RUNX1T1: variants seen among roughly 807,000 people sequenced by gnomAD.
RUNX1T1 encodes protein CBFA2T1.
Under a neutral mutation model 62.8 loss-of-function variants are expected in RUNX1T1, and 4 were observed. That is an observed-to-expected ratio of 0.06 (90% CI 0.03 to 0.15). The LOEUF is 0.15. Ranked by LOEUF, RUNX1T1 falls within the 10% of genes least tolerant of loss-of-function variation. The pLI is 1.00. For missense variants in RUNX1T1, 508 were observed against 754.3 expected (o/e 0.67, Z 3.82); for synonymous variants, 291 against 286.0 (o/e 1.02, Z -0.18).
At chr8:92,073,823 A>G (rs913156306) in intron 2 of RUNX1T1, among the ~76,000 whole-genome samples, 1 of 152,152 alleles carries the variant, frequency 6.6e-6, no homozygotes, top group Non-Finnish European at 1.5e-5. Flanking sequence ...TAGCCTCCCA[A>G]GTAGCTGGGA....
intron 6 of RUNX1T1, among the ~76,000 whole-genome samples, chr8:91,988,372 G>T (rs921151713): frequency 1.3e-5 from 2 of 152,188 alleles, no homozygotes; most frequent in Non-Finnish European, 2.9e-5. Context: ...AAAAGTAAAA[G>T]TGCAAATATG....
Position 92,078,639 on chromosome 8 carries a change from T to C in RUNX1T1, c.-85-2502A>G, listed in dbSNP as rs574315623. ...AACAAATATTACTTTTTCTCAATGG[T>C]ATGAAGTAATGAAAACCACATGTGC... On this transcript the variant is annotated intron_variant, in intron 1 of 11. Transcript: ENST00000265814. Among the ~76,000 whole-genome samples the C allele has an allele frequency of 3.3e-5, 5 of 152,296 alleles. No individual in the cohort carries two copies. The South Asian group carries it at 1.0e-3, about 32-fold the overall frequency.
chr8:91,998,747 G>A (rs936067334), intron 5 of RUNX1T1, among the ~76,000 whole-genome samples: 2 of 152,182 alleles, frequency 1.3e-5, no homozygotes, highest in African/African-American at 4.8e-5. Context: ...CTGCTGTTTG[G>A]AACTCTGCTT....
chr8:92,039,254 G>C lies in RUNX1T1; in HGVS notation c.8-21891C>G, dbSNP rs767017670. 5.3e-5 allele frequency among the ~76,000 whole-genome samples: 8 copies of C among 150,022 alleles called. No homozygotes were observed. The Admixed American group carries it at 5.3e-4, about 10-fold the overall frequency. ...ACTCCTGAGCTCAAGTGATCCAACC[G>C]CCTTGGTCTCCCCAAGTGCTGGGAT... On this transcript the variant is annotated intron_variant, in intron 1 of 10. Transcript: ENST00000396218.
chr8:92,057,516 T>C (rs748708008), intron 1 of RUNX1T1, among the ~76,000 whole-genome samples: 9 of 152,338 alleles, frequency 5.9e-5, no homozygotes, highest in Non-Finnish European at 1.2e-4. Context: ...CTGGCATATA[T>C]AGGCTTTCAA....
upstream of RUNX1T1, among the ~76,000 whole-genome samples, chr8:92,064,902 A>G (rs995079735): frequency 1.3e-5 from 2 of 152,134 alleles, no homozygotes. Context: ...CTGTTATCTG[A>G]CTACAGTAAT....
intron 4 of RUNX1T1, chr8:92,006,488 C>G (rs1041744363): frequency 2.6e-5 from 4 of 152,108 alleles, no homozygotes; most frequent in African/African-American, 9.7e-5. Context: ...TCCCAGCTGC[C>G]TCAATTTTTG....
chr8:91,955,528 G>A (rs1013561470), downstream of RUNX1T1: 1 of 225,534 alleles, frequency 4.4e-6, no homozygotes, highest in African/African-American at 2.2e-5. Flanking sequence ...CAAATTCTTG[G>A]AAAAGCTACA....
intron 3 of RUNX1T1, among the ~76,000 whole-genome samples, chr8:92,012,750 C>T (rs1156436353): frequency 7.2e-6 from 1 of 139,292 alleles, no homozygotes; most frequent in Non-Finnish European, 1.6e-5. Flanking sequence ...AAATCACTCC[C>T]TCAAAAAAAA....
Position 92,002,639 on chromosome 8 carries a change from C to T in RUNX1T1, c.659+2477G>A, listed in dbSNP as rs577118644. On this transcript the variant is annotated intron_variant, in intron 5 of 10. Coordinates refer to ENST00000396218, the Ensembl canonical transcript of RUNX1T1. ...TTTTCTCCTCAGGTGTCAGTTTTTC[C>T]CTCTTTTAGTGACTGATGGCTCCCA... is the stretch of plus-strand genomic sequence containing the variant. Among the ~76,000 whole-genome samples the T allele has an allele frequency of 7.9e-5, 12 of 152,096 alleles. No individual in the cohort carries two copies. In the East Asian group the frequency reaches 2.3e-3, roughly 29 times the overall value.
At chr8:92,062,458 G>A (rs1832200344) in intron 1 of RUNX1T1, 1 of 1,405,856 alleles carries the variant, frequency 7.1e-7, no homozygotes, top group Non-Finnish European at 1.0e-6. Context: ...ACAACACGCT[G>A]TGGGGCAGAA....
chr8:92,037,702 A>G (rs1827681746), intron 1 of RUNX1T1, among the ~76,000 whole-genome samples: 1 of 152,086 alleles, frequency 6.6e-6, no homozygotes, highest in Admixed American at 6.5e-5. Flanking sequence ...AAAAAGTAAA[A>G]AAAATCCTCT....
At chr8:92,014,615 T>A in exon 3 of RUNX1T1, 1 of 1,612,984 alleles carries the variant, frequency 6.2e-7, no homozygotes, top group Non-Finnish European at 8.5e-7. Flanking sequence ...CTCTTTCTCC[T>A]ATCTCGGGTG....
intron 5 of RUNX1T1, among the ~76,000 whole-genome samples, chr8:92,002,676 G>T (rs1819999287): frequency 6.6e-6 from 1 of 152,044 alleles, no homozygotes; most frequent in Admixed American, 6.6e-5. Context: ...TGTTATTACA[G>T]AAACAGATTG....
At chr8:92,054,927 C>G (rs893498280) in intron 1 of RUNX1T1, among the ~76,000 whole-genome samples, 1 of 152,146 alleles carries the variant, frequency 6.6e-6, no homozygotes, top group East Asian at 1.9e-4. Context: ...ACTGCTTGAA[C>G]CCGGGAGATG....
chr8:92,023,079 C>T (rs945765317), intron 1 of RUNX1T1, among the ~76,000 whole-genome samples: 1 of 152,040 alleles, frequency 6.6e-6, no homozygotes, highest in African/African-American at 2.4e-5. Flanking sequence ...TGATGTGATT[C>T]GATTCTGGAC....
At chr8:92,058,192 A>G (rs939500526) in intron 1 of RUNX1T1, among the ~76,000 whole-genome samples, 1 of 152,132 alleles carries the variant, frequency 6.6e-6, no homozygotes, top group Non-Finnish European at 1.5e-5. Flanking sequence ...GGAGGGACTG[A>G]ATCATGGTTA....
At chr8:92,062,975 A>G, upstream of RUNX1T1, 1 of 1,212,562 alleles carries the variant, frequency 8.2e-7, no homozygotes, top group Non-Finnish European at 1.0e-6. Context: ...CACCACCCCC[A>G]TCCTGTTCAA....
intron 4 of RUNX1T1, among the ~76,000 whole-genome samples, chr8:92,008,388 T>TCACTCACA (rs1821267689): frequency 7.6e-6 from 1 of 131,898 alleles, no homozygotes; most frequent in African/African-American, 2.9e-5. Context: ...TCTCTCTCTC[T>TCACTCACA]CACACACACA....
Sources: allele counts gnomAD v4.1 joint callset (sites outside exome capture counted in the v4.1 genomes callset), GRCh38; gene constraint gnomAD v4.1.1; transcripts MANE v1.5; gene names NCBI Gene and HGNC (gene_info 2026-07-23, HGNC 2026-07-21).